Variants in EML2 observed in about 807,000 individuals in gnomAD.
The protein encoded by EML2 is echinoderm microtubule-associated protein-like 2.
In EML2, 59 loss-of-function variants were observed where a neutral mutation model predicts 84.7. The ratio of observed to expected loss-of-function variants is 0.70; its 90% confidence interval spans 0.56 to 0.86. The LOEUF is 0.86. Among genes scored for constraint, EML2 ranks in the 40% least tolerant of loss-of-function variants. EML2 has a pLI of 0.00. For missense variants in EML2, 818 were observed against 855.6 expected, an observed-to-expected ratio of 0.96 and a Z score of 0.55; for synonymous variants, 352 against 348.9, an observed-to-expected ratio of 1.01 and a Z score of -0.10.
chr19:45,624,708 G>A lies in EML2; in HGVS notation c.841+11C>T. The A allele has an allele frequency of 6.2e-7, 1 of 1,607,224 alleles. No homozygotes were observed. The highest frequency in any genetic ancestry group is 8.5e-7 in the Non-Finnish European group (1 of 1,174,288). The stretch of plus-strand genomic sequence containing the variant: ...CTGGATTGGGAACCAAACAGATGGG[G>A]TGACACTGACCTTTGCCCCAAACAT... On this transcript the variant is annotated intron_variant, in intron 9 of 18. Transcript: ENST00000245925.
intron 1 of EML2, 94 bp downstream of exon 1, chr19:45,639,263 C>A: frequency 8.1e-7 from 1 of 1,230,194 alleles, no homozygotes. Context: ...CGTGTCCCCA[C>A]GCCGGTCTGG....
intron 2 of EML2, 48 bp downstream of exon 2, chr19:45,638,797 C>A: frequency 6.2e-7 from 1 of 1,609,182 alleles, no homozygotes; most frequent in East Asian, 2.2e-5. Context: ...CAGCCTGTCA[C>A]CCCAACAAGC....
upstream of EML2, chr19:45,645,567 G>T (rs1404812733): frequency 1.1e-6 from 1 of 913,748 alleles, no homozygotes; most frequent in Non-Finnish European, 1.6e-6. Flanking sequence ...CAATCCTAGG[G>T]CCAGGATTGG....
At chr19:45,626,949 C>A in intron 7 of EML2, 110 bp from the exon 8 acceptor site, 1 of 959,480 alleles carries the variant, frequency 1.0e-6, no homozygotes, top group Non-Finnish European at 1.4e-6. Flanking sequence ...ATGCTGCACA[C>A]CTGAACTTTT....
chr19:45,616,459 A>T lies in EML2; in HGVS notation c.1509+2T>A, dbSNP rs756296035. On this transcript the variant is annotated splice_donor_variant, in intron 15 of 18. Coordinates refer to ENST00000245925, the MANE Select transcript of EML2 (RefSeq NM_012155.4). LOFTEE classifies it high-confidence loss of function. ...GCGGGCTGGGGGCCACTGCCCACTC[A>T]CCGAGCACTTGCCCAGGCGGCTGAC... 6.3e-7 allele frequency: 1 copy of T among 1,583,498 alleles called. No homozygotes were observed. Among genetic ancestry groups the T allele is most frequent in the Non-Finnish European group, 8.6e-7 (1 of 1,158,886 alleles).
chr19:45,613,087 TG>T (rs991348998), intron 18 of EML2, among the ~76,000 whole-genome samples: 1 of 151,964 alleles, frequency 6.6e-6, no homozygotes, highest in African/African-American at 2.4e-5. Context: ...TTTGTAGAGA[TG>T]GGGTCTCACT....
chr19:45,626,202 A>G (rs894209070), intron 8 of EML2, among the ~76,000 whole-genome samples: 1 of 149,378 alleles, frequency 6.7e-6, no homozygotes, highest in African/African-American at 2.5e-5. Flanking sequence ...TGTAGATATG[A>G]GGTCTCACCA....
At chr19:45,623,525 T>A (rs1340810633) in intron 9 of EML2, 1 of 151,552 alleles carries the variant, frequency 6.6e-6, no homozygotes, top group East Asian at 1.9e-4. Context: ...TGAGACCCTG[T>A]CTTAAAAAAA....
rs1568457356 is a variant in EML2 at position 45,624,742 on chromosome 19, C to T, written c.818G>A (p.Gly273Glu). Residue 273 changes from glycine to glutamate, a missense_variant, in exon 9 of 19, where the codon GGG (glycine) becomes GAG (glutamate). Physicochemically the swap from Gly to Glu is moderately conservative, Grantham distance 98. Transcript: ENST00000245925. ...GGDVVTGDSG[G>E]NLYVWGKGGN... Reference sequence around the variant, plus strand: ...ACCTTTGCCCCAAACATAGAGGTTCCCCCCAGAGTCCCCCGTGACCACGTC... The same window carrying T: ...ACCTTTGCCCCAAACATAGAGGTTCTCCCCAGAGTCCCCCGTGACCACGTC... 5.6e-6 allele frequency: 9 copies of T among 1,613,756 alleles called. No individual in the cohort carries two copies. Among genetic ancestry groups the T allele is most frequent in the Non-Finnish European group, 7.6e-6 (9 of 1,179,874 alleles).
In EML2 at chr19:45,631,311, C is replaced by G. The variant is rs550106901; in HGVS notation, c.511-1265G>C. Among the ~76,000 whole-genome samples, 160 of 152,290 alleles carry G rather than the reference C, an allele frequency of 1.1e-3. 2 individuals are homozygous for G. The highest frequency in any genetic ancestry group is 3.6e-3 in the African/African-American group (149 of 41,568). On this transcript the variant is annotated intron_variant, in intron 6 of 18. Transcript: ENST00000245925. ...CCGGTGAGGGTCCAATCCAGTGCCT[C>G]TTAAGCTATCTGTGCAGGAGACTGG...
intron 4 of EML2, among the ~76,000 whole-genome samples, chr19:45,633,889 C>T (rs1464442764): frequency 6.6e-6 from 1 of 152,186 alleles, no homozygotes; most frequent in African/African-American, 2.4e-5. Flanking sequence ...CTTTCACAGG[C>T]GTGAGCCACC....
chr19:45,614,314 A>G lies in EML2; in HGVS notation c.1693+291T>C, dbSNP rs140841820. Among the ~76,000 whole-genome samples, 225 of 152,244 alleles carry G rather than the reference A, an allele frequency of 1.5e-3. 1 individual carries two copies. The highest frequency in any genetic ancestry group is 5.3e-3 in the African/African-American group (221 of 41,538). On this transcript the variant is annotated intron_variant, in intron 17 of 18. Transcript: ENST00000245925. ...CTGCCAAGCCCACGGCAGGCACAGA[A>G]CTGCTCAGGGAATATGTGTTTGCTT...
Position 45,621,248 on chromosome 19 carries a change from G to A in EML2, c.1081C>T (p.Leu361=), listed in dbSNP as rs1309702587. The part of the protein sequence containing the change: ...LYVGTTRNSI[L]QGSVHTGFSL... ...AAGCCTGTGTGCACGGAGCCCTGCA[G>A]GATGGAATTGCGGGTGGTCCCCACG... is the stretch of plus-strand genomic sequence containing the variant. The change falls in exon 11 of 19, where the codon CTG becomes TTG. Residue 361 remains leucine (L), a synonymous_variant. Transcript: ENST00000245925. The A allele has an allele frequency of 1.2e-6, 2 of 1,614,056 alleles. No homozygotes were observed. Among genetic ancestry groups the A allele is most frequent in the South Asian group, 1.1e-5 (1 of 91,080 alleles).
rs764305665 is a variant in EML2, at chr19:45,638,958, C to T, written c.21-85G>A. ...AAACCATTCCTCCACCCCCACCGCT[C>T]CCCGGAGGTCTCCGATGAAAACGGG... is the stretch of plus-strand genomic sequence containing the variant. On this transcript the variant is annotated intron_variant, in intron 1 of 18. Coordinates refer to ENST00000245925, the MANE Select transcript of EML2 (RefSeq NM_012155.4). The T allele has an allele frequency of 2.6e-6, 4 of 1,516,030 alleles. No homozygotes were observed. In the South Asian group the frequency reaches 4.5e-5, roughly 17 times the overall value. The allele number at this position is 1,516,030 out of a possible 1,614,324, so 93.9% of individuals were successfully genotyped here.
chr19:45,611,195 A>T (rs1970457397), intron 18 of EML2, among the ~76,000 whole-genome samples: 1 of 152,082 alleles, frequency 6.6e-6, no homozygotes, highest in African/African-American at 2.4e-5. Context: ...AGATCGCCTG[A>T]GGTTGGGGGT....
Position 45,626,772 on chromosome 19 carries a change from C to A in EML2, c.674G>T (p.Gly225Val). 1 of 1,613,862 alleles carries A rather than the reference C, an allele frequency of 6.2e-7. No homozygotes were observed. Among genetic ancestry groups the A allele is most frequent in the Non-Finnish European group, 8.5e-7 (1 of 1,179,960 alleles). ...GGTCCAGAAGTAGATGTGAGATTTC[C>A]CGCAGGTGATAAGCACAGTGGGGTC... ...PTDPTVLITC[G>V]KSHIYFWTLE... The change falls in exon 8 of 19, where the codon GGG becomes GTG. Residue 225 changes from glycine (G) to valine (V), a missense_variant. Coordinates refer to ENST00000245925, the MANE Select transcript of EML2 (RefSeq NM_012155.4).
chr19:45,613,975 C>A (rs751184532), intron 17 of EML2, among the ~76,000 whole-genome samples: 2 of 152,114 alleles, frequency 1.3e-5, no homozygotes, highest in Non-Finnish European at 2.9e-5. Flanking sequence ...ATTTGGCCAC[C>A]CTGCCTCCCT....
Position 45,615,844 on chromosome 19 carries a change from T to G in EML2, c.1555A>C (p.Ser519Arg), listed in dbSNP as rs752424938. The G allele has an allele frequency of 6.2e-7, 1 of 1,613,852 alleles. No individual in the cohort carries two copies. Among genetic ancestry groups the G allele is most frequent in the Non-Finnish European group, 8.5e-7 (1 of 1,179,932 alleles). The change falls in exon 16 of 19, where the codon AGC becomes CGC. Residue 519 changes from serine to arginine, a missense_variant. Ser to Arg is a moderately radical substitution (Grantham distance 110, BLOSUM62 -1). Transcript: ENST00000245925. ...TCCCCGGAGTTGGTGACAAAGCAGC[T>G]GCTGTCCTGGGCCCAATCCAGGTGG... is the stretch of plus-strand genomic sequence containing the variant. ...ITHLDWAQDS[S>R]CFVTNSGDYE...
chr19:45,635,589 T>C, intron 3 of EML2, among the ~76,000 whole-genome samples: 1 of 98,710 alleles, frequency 1.0e-5, no homozygotes, highest in African/African-American at 5.1e-5. Flanking sequence ...TTTCCTTTTT[T>C]TTTTTTTTTT....
Sources: gnomAD v4.1 joint callset for allele counts (sites outside exome capture counted in the v4.1 genomes callset) on GRCh38, gnomAD v4.1.1 for gene constraint, MANE v1.5 for transcripts, NCBI Gene and HGNC (gene_info 2026-07-23, HGNC 2026-07-21) for gene names.